The following MBOAT1 variants were observed in gnomAD, a reference collection of about 807,000 sequenced individuals.
The protein encoded by MBOAT1 is membrane-bound glycerophospholipid O-acyltransferase 1.
A neutral mutation model predicts 64.4 loss-of-function variants in MBOAT1; 67 were observed. The observed-to-expected ratio is 1.04, with a 90% CI of 0.85 to 1.27. MBOAT1 has a LOEUF of 1.27. Among genes scored for constraint, MBOAT1 ranks in the 50% most tolerant of loss-of-function variants. The probability of loss-of-function intolerance (pLI) is 0.00; values close to 1 mark genes in which losing one functional copy is unlikely to be tolerated. For synonymous variants in MBOAT1, 229 were observed against 218.9 expected, an observed-to-expected ratio of 1.05 and a Z score of -0.41; for missense variants, 563 against 604.6, an observed-to-expected ratio of 0.93 and a Z score of 0.72.
chr6:20,159,047 G>GCA (rs1947235366), intron 1 of MBOAT1, among the ~76,000 whole-genome samples: 1 of 152,178 alleles, frequency 6.6e-6, no homozygotes, highest in African/African-American at 2.4e-5. Flanking sequence ...TTTGCCACAT[G>GCA]ATCCAGCAAT....
intron 10 of MBOAT1, among the ~76,000 whole-genome samples, chr6:20,115,066 A>G (rs546384459): frequency 6.6e-6 from 1 of 152,280 alleles, no homozygotes; most frequent in African/African-American, 2.4e-5. Flanking sequence ...AGGGCCTGGT[A>G]TACAGGAATG....
intron 1 of MBOAT1, among the ~76,000 whole-genome samples, chr6:20,184,435 T>C (rs1027134655): frequency 6.6e-6 from 1 of 152,076 alleles, no homozygotes; most frequent in Non-Finnish European, 1.5e-5. Flanking sequence ...TAGCCCACAC[T>C]GGCAGACAGG....
At chr6:20,136,946 T>A (rs1761014107) in intron 4 of MBOAT1, among the ~76,000 whole-genome samples, 1 of 152,228 alleles carries the variant, frequency 6.6e-6, no homozygotes, top group Non-Finnish European at 1.5e-5. Flanking sequence ...GTTTTTATAG[T>A]CTTTGAAAAT....
At chr6:20,152,227 T>TGAGGCAGGAGAATCACTTG (rs906459412) in intron 2 of MBOAT1, among the ~76,000 whole-genome samples, 5 of 151,884 alleles carry the variant, frequency 3.3e-5, no homozygotes, top group Non-Finnish European at 5.9e-5. Context: ...CTCAAGAGGC[T>TGAGGCAGGAGAATCACTTG]GAGGCAGGAG....
intron 1 of MBOAT1, among the ~76,000 whole-genome samples, chr6:20,186,607 C>T (rs892800069): frequency 2.6e-5 from 4 of 152,186 alleles, no homozygotes; most frequent in East Asian, 1.9e-4. Context: ...CCTGAAATGT[C>T]GCCACTTTGG....
chr6:20,105,770 G>C (rs1481912185), intron 12 of MBOAT1, among the ~76,000 whole-genome samples: 1 of 152,094 alleles, frequency 6.6e-6, no homozygotes, highest in African/African-American at 2.4e-5. Flanking sequence ...CAACGGAGGA[G>C]ACCCCAACTC....
intron 4 of MBOAT1, among the ~76,000 whole-genome samples, chr6:20,134,452 C>T (rs771687262): frequency 6.6e-6 from 1 of 151,720 alleles, no homozygotes; most frequent in Non-Finnish European, 1.5e-5. Flanking sequence ...CAATATATTG[C>T]TTCCATTTTA....
intron 8 of MBOAT1, among the ~76,000 whole-genome samples, chr6:20,123,828 G>T (rs9350213): frequency 0.11 from 16,837 of 152,148 alleles, 1,163 homozygotes; most frequent in Middle Eastern, 0.18. Flanking sequence ...AGGCCAGGGC[G>T]GGCAGATCAC....
Position 20,143,187 on chromosome 6 carries a change from G to A in MBOAT1, c.419+1033C>T, listed in dbSNP as rs1022135886. The stretch of plus-strand genomic sequence containing the variant: ...GGAAGTAACGTGGATAACAGATCAC[G>A]CATCACCAGGAACAGCTCTGCTGTA... On this transcript the variant is annotated intron_variant, in intron 4 of 12. Transcript: ENST00000324607. Among the ~76,000 whole-genome samples, 3 of 152,142 alleles carry A rather than the reference G, an allele frequency of 2.0e-5. 1 individual carries two copies. Among genetic ancestry groups the A allele is most frequent in the Admixed American group, 1.3e-4 (2 of 15,272 alleles).
At chr6:20,155,969 A>C (rs1311988152) in intron 1 of MBOAT1, among the ~76,000 whole-genome samples, 1 of 152,132 alleles carries the variant, frequency 6.6e-6, no homozygotes. Flanking sequence ...TGTTCAAATA[A>C]ATGCTTTAAA....
In MBOAT1 at chr6:20,212,378, A is replaced by G. The variant is rs2113785350; in HGVS notation, c.-144T>C. ...GGGGGAGCGAACGGGAGGCCGGGGAATGCGAACCGGCGCAAACTCTCGAGG... is the reference window on the plus strand; with the variant it reads ...GGGGGAGCGAACGGGAGGCCGGGGAGTGCGAACCGGCGCAAACTCTCGAGG... On this transcript the variant is annotated 5_prime_UTR_variant, in exon 1 of 13. Transcript: ENST00000324607. 1 of 701,412 alleles carries G rather than the reference A, an allele frequency of 1.4e-6. No homozygotes were observed. The highest frequency in any genetic ancestry group is 2.8e-5 in the East Asian group (1 of 35,694). The allele number at this position is 701,412 out of a possible 1,614,324, so 43.4% of individuals were successfully genotyped here. A position where few individuals can be genotyped will look rare whatever the true frequency, so the allele number is the denominator to read the frequency against.
intron 1 of MBOAT1, among the ~76,000 whole-genome samples, chr6:20,187,992 AAG>A (rs1224075615): frequency 6.6e-6 from 1 of 152,200 alleles, no homozygotes; most frequent in Non-Finnish European, 1.5e-5. Flanking sequence ...CTCAAAAAAA[AAG>A]AGAGAGAAGA....
chr6:20,176,680 C>G (rs140101340), intron 1 of MBOAT1, among the ~76,000 whole-genome samples: 2,176 of 152,138 alleles, frequency 0.014, 56 homozygotes, highest in African/African-American at 0.049. Context: ...CTGGAGTGCA[C>G]TGGTGCAATC....
chr6:20,129,921 A>T (rs1248985896), intron 5 of MBOAT1, among the ~76,000 whole-genome samples: 3 of 152,242 alleles, frequency 2.0e-5, no homozygotes, highest in African/African-American at 7.2e-5. Context: ...AAACCAGGAC[A>T]GTTGTTTACC....
intron 1 of MBOAT1, among the ~76,000 whole-genome samples, chr6:20,194,561 A>C (rs1762900129): frequency 6.6e-6 from 1 of 152,228 alleles, no homozygotes; most frequent in Admixed American, 6.5e-5. Context: ...CCACAGATGT[A>C]AAGTGCCATT....
intron 8 of MBOAT1, among the ~76,000 whole-genome samples, chr6:20,123,863 T>C (rs9356721): frequency 0.13 from 20,048 of 152,166 alleles, 1,426 homozygotes; most frequent in Middle Eastern, 0.19. Flanking sequence ...GAGACCATCC[T>C]GGCTAACACT....
intron 1 of MBOAT1, among the ~76,000 whole-genome samples, chr6:20,188,860 C>A (rs1196647242): frequency 6.6e-6 from 1 of 152,152 alleles, no homozygotes; most frequent in Non-Finnish European, 1.5e-5. Context: ...TGTGCAAGTT[C>A]CTTTATCTGT....
chr6:20,126,829 T>A, intron 6 of MBOAT1, 129 bp from the exon 7 acceptor site: 1 of 734,838 alleles, frequency 1.4e-6, no homozygotes, highest in Non-Finnish European at 2.2e-6. Flanking sequence ...TTGTTTTGTT[T>A]CTACAAAGTC....
At chr6:20,198,092 G>C (rs1425725543) in intron 1 of MBOAT1, among the ~76,000 whole-genome samples, 1 of 151,938 alleles carries the variant, frequency 6.6e-6, no homozygotes, top group Non-Finnish European at 1.5e-5. Context: ...GCCAGGCATG[G>C]TGGCAGGTGC....
Sources: allele counts gnomAD v4.1 joint callset (sites outside exome capture counted in the v4.1 genomes callset), GRCh38; gene constraint gnomAD v4.1.1; transcripts MANE v1.5; gene names NCBI Gene and HGNC (gene_info 2026-07-23, HGNC 2026-07-21).